NBDY: variants seen among roughly 807,000 people sequenced by gnomAD.
NBDY encodes P-body dissociating protein.
intron 2 of NBDY, among the ~76,000 whole-genome samples, 189 bp downstream of exon 2, chrX:56,732,388 A>C (rs977956860): frequency 7.1e-5 from 8 of 111,968 alleles, no homozygotes; most frequent in African/African-American, 2.6e-4. Flanking sequence ...TGTTAGATTC[A>C]CTTGTACTTA....
intron 2 of NBDY, among the ~76,000 whole-genome samples, chrX:56,795,834 A>T (rs2069789102): frequency 8.9e-6 from 1 of 112,799 alleles, no homozygotes; most frequent in African/African-American, 3.2e-5. Context: ...ACGCGAGAAT[A>T]AAAGAATGCA....
intron 2 of NBDY, among the ~76,000 whole-genome samples, chrX:56,753,986 G>C (rs2069598206): frequency 9.0e-6 from 1 of 111,238 alleles, no homozygotes; most frequent in South Asian, 3.8e-4. Flanking sequence ...GTAGCAAAAG[G>C]GGAAGAAAGT....
chrX:56,783,363 C>G (rs1169023448), intron 2 of NBDY, among the ~76,000 whole-genome samples: 1 of 113,341 alleles, frequency 8.8e-6, no homozygotes, highest in Non-Finnish European at 1.9e-5. Flanking sequence ...TCTTGCCCCA[C>G]TGTGGCCCCA....
At position 56,817,885 on chromosome X, in the gene NBDY, G is replaced by C. The variant is rs777739316; in HGVS notation, c.*732G>C. ...TTTTACATCTTAACTATTTTTTTCT[G>C]ACTGAAATGGTTGATGTGCTTGTTT... On this transcript the variant is annotated 3_prime_UTR_variant, in exon 3 of 3. Coordinates refer to ENST00000374922, the MANE Select transcript of NBDY (RefSeq NM_001348129.2). The C allele has an allele frequency of 9.0e-5, 10 of 110,884 alleles. No homozygotes were observed. The South Asian group carries it at 3.7e-3, about 41-fold the overall frequency. 9.1% of individuals were successfully genotyped at this position (110,884 alleles called of 1,213,427 possible).
At chrX:56,816,946 G>A (rs963353125) in intron 2 of NBDY, among the ~76,000 whole-genome samples, 1 of 111,324 alleles carries the variant, frequency 9.0e-6, no homozygotes, top group Non-Finnish European at 1.9e-5. Context: ...ATAGGAGTTT[G>A]TCAAGGGGCT....
intron 2 of NBDY, among the ~76,000 whole-genome samples, chrX:56,797,775 C>G (rs918513250): frequency 9.0e-6 from 1 of 111,272 alleles, no homozygotes; most frequent in Non-Finnish European, 1.9e-5. Flanking sequence ...TTTGCCCACT[C>G]TCACTCACAC....
At chrX:56,734,038 TTAGAG>T (rs1161846494) in intron 2 of NBDY, among the ~76,000 whole-genome samples, 1 of 112,161 alleles carries the variant, frequency 8.9e-6, no homozygotes, top group African/African-American at 3.3e-5. Flanking sequence ...AAGGCAGTCC[TTAGAG>T]TAAATAGCTA....
intron 2 of NBDY, among the ~76,000 whole-genome samples, chrX:56,784,535 C>T (rs2069715709): frequency 8.9e-6 from 1 of 111,843 alleles, no homozygotes; most frequent in Non-Finnish European, 1.9e-5. Context: ...AGTTATTTGC[C>T]CCGGCATCTT....
intron 2 of NBDY, among the ~76,000 whole-genome samples, chrX:56,745,938 G>A (rs1390314326): frequency 9.0e-6 from 1 of 111,277 alleles, no homozygotes; most frequent in African/African-American, 3.3e-5. Context: ...ATACCTTTGG[G>A]GATTTTACAG....
At chrX:56,782,104 C>T (rs1391916746) in intron 2 of NBDY, among the ~76,000 whole-genome samples, 1 of 111,387 alleles carries the variant, frequency 9.0e-6, no homozygotes, top group East Asian at 2.8e-4. Context: ...CGGGAGGTGA[C>T]CTGGGGCTCC....
At chrX:56,753,454 T>C (rs747110735) in intron 2 of NBDY, among the ~76,000 whole-genome samples, 10 of 111,739 alleles carry the variant, frequency 8.9e-5, no homozygotes, top group Non-Finnish European at 1.1e-4. Context: ...GTCAGAAATA[T>C]AGGCAAAGAA....
At chrX:56,752,830 C>T (rs756506094) in intron 2 of NBDY, among the ~76,000 whole-genome samples, 11 of 110,667 alleles carry the variant, frequency 9.9e-5, no homozygotes, top group South Asian at 7.7e-4. Context: ...AAGCTGGTTT[C>T]GAACTCCTGA....
chrX:56,730,959 T>A (rs1042025249), intron 1 of NBDY, among the ~76,000 whole-genome samples: 3 of 110,928 alleles, frequency 2.7e-5, no homozygotes, highest in Non-Finnish European at 3.8e-5. Context: ...GCCCTTGCAA[T>A]GGGTAGGAAT....
At chrX:56,783,088 A>G (rs2069704770) in intron 2 of NBDY, among the ~76,000 whole-genome samples, 2 of 112,667 alleles carry the variant, frequency 1.8e-5, no homozygotes, top group East Asian at 2.8e-4. Flanking sequence ...ACTGCCCACA[A>G]TGTCTTCCAC....
At chrX:56,762,077 A>G (rs1269670584) in intron 2 of NBDY, among the ~76,000 whole-genome samples, 9 of 110,277 alleles carry the variant, frequency 8.2e-5, no homozygotes. Context: ...TCCCATCAAC[A>G]AGAAGCTTCT....
At chrX:56,731,601 TAAA>T (rs1569282617) in intron 1 of NBDY, among the ~76,000 whole-genome samples, 1 of 109,875 alleles carries the variant, frequency 9.1e-6, no homozygotes, top group Non-Finnish European at 1.9e-5. Flanking sequence ...TTTTAAAAAA[TAAA>T]AAGGAAAAAG....
chrX:56,741,681 A>G (rs1413819435), intron 2 of NBDY, among the ~76,000 whole-genome samples: 3 of 111,715 alleles, frequency 2.7e-5, no homozygotes, highest in Non-Finnish European at 5.7e-5. Context: ...CACAATTTTG[A>G]TCAAATTATT....
At chrX:56,804,510 C>T (rs1014654713) in intron 2 of NBDY, among the ~76,000 whole-genome samples, 5 of 112,252 alleles carry the variant, frequency 4.5e-5, no homozygotes, top group South Asian at 3.7e-4. Flanking sequence ...GTTAATTCCC[C>T]GGGCATCTTA....
At chrX:56,781,875 G>A (rs1423245483) in intron 2 of NBDY, among the ~76,000 whole-genome samples, 3 of 111,473 alleles carry the variant, frequency 2.7e-5, no homozygotes, top group Non-Finnish European at 3.8e-5. Context: ...ATTCCTCCCC[G>A]TTTTTCATCT....
Sources: allele counts gnomAD v4.1 joint callset (sites outside exome capture counted in the v4.1 genomes callset), GRCh38; gene constraint gnomAD v4.1.1; transcripts MANE v1.5; gene names NCBI Gene and HGNC (gene_info 2026-07-23, HGNC 2026-07-21).